Variants in SGCZ observed in about 807,000 individuals in gnomAD.
SGCZ encodes zeta-sarcoglycan.
A neutral mutation model predicts 41.3 loss-of-function variants in SGCZ; 40 were observed. The observed-to-expected ratio is 0.97, with a 90% CI of 0.75 to 1.26. The LOEUF (loss-of-function observed/expected upper bound fraction) is 1.26, where lower values mean the gene tolerates loss of function less well. Ranked by LOEUF, SGCZ falls within the 50% of genes most tolerant of loss-of-function variation. The probability of loss-of-function intolerance (pLI) is 0.00; values close to 1 mark genes in which losing one functional copy is unlikely to be tolerated. For missense variants in SGCZ, 552 were observed against 369.8 expected (o/e 1.49, Z -4.04); for synonymous variants, 206 against 137.5 (o/e 1.50, Z -3.49).
intron 1 of SGCZ, among the ~76,000 whole-genome samples, chr8:14,633,787 C>A (rs1340801438): frequency 2.6e-5 from 4 of 151,944 alleles, no homozygotes; most frequent in Middle Eastern, 3.4e-3. Flanking sequence ...AATAAAAGAC[C>A]TGATGCTAAA....
chr8:14,555,051 A>AATAATTAC (rs1465896147), intron 1 of SGCZ, 125 bp from the exon 2 acceptor site: 3 of 782,672 alleles, frequency 3.8e-6, no homozygotes, highest in Non-Finnish European at 2.0e-6. Context: ...TGAGCATTCA[A>AATAATTAC]ATAACTATTG....
intron 5 of SGCZ, among the ~76,000 whole-genome samples, chr8:14,154,312 T>C (rs1454348709): frequency 6.6e-6 from 1 of 152,038 alleles, no homozygotes; most frequent in African/African-American, 2.4e-5. Context: ...GAGGGTGCAG[T>C]GAGCCGAGAT....
At position 14,409,125 on chromosome 8, in the gene SGCZ, C is replaced by T. The variant is rs1799292569; in HGVS notation, c.235-84921G>A. Reference sequence around the variant, plus strand: ...GTGTAGGATTATTTAAGTTGTTGAACTGATTATTACAGAGATATGGTGGCA... The same window carrying T: ...GTGTAGGATTATTTAAGTTGTTGAATTGATTATTACAGAGATATGGTGGCA... On this transcript the variant is annotated intron_variant, in intron 2 of 7. Transcript: ENST00000382080. 2.0e-5 allele frequency among the ~76,000 whole-genome samples: 3 copies of T among 151,982 alleles called. No homozygotes were observed. The South Asian group carries it at 6.2e-4, about 32-fold the overall frequency.
At chr8:14,126,656 A>G (rs1196243724) in intron 5 of SGCZ, among the ~76,000 whole-genome samples, 1 of 152,192 alleles carries the variant, frequency 6.6e-6, no homozygotes, top group Non-Finnish European at 1.5e-5. Context: ...AAGGAATACA[A>G]ATCCATTCTG....
intron 3 of SGCZ, among the ~76,000 whole-genome samples, chr8:14,238,872 C>T (rs970275231): frequency 4.0e-5 from 6 of 151,780 alleles, no homozygotes; most frequent in South Asian, 4.2e-4. Flanking sequence ...CAGTATGTCA[C>T]GTCTATGTCA....
At chr8:14,912,436 T>G (rs1450052463) in intron 1 of SGCZ, among the ~76,000 whole-genome samples, 1 of 152,036 alleles carries the variant, frequency 6.6e-6, no homozygotes, top group Non-Finnish European at 1.5e-5. Flanking sequence ...AAATATTACT[T>G]TATACTACAT....
intron 1 of SGCZ, among the ~76,000 whole-genome samples, chr8:14,926,769 T>C (rs747583835): frequency 6.6e-6 from 1 of 151,974 alleles, no homozygotes; most frequent in African/African-American, 2.4e-5. Flanking sequence ...GCCTCCCAAG[T>C]AGCTGGGATT....
chr8:14,139,624 G>A (rs140013386), intron 5 of SGCZ, among the ~76,000 whole-genome samples: 2,167 of 151,892 alleles, frequency 0.014, 49 homozygotes, highest in African/African-American at 0.049. Context: ...ATACACCCTC[G>A]CAAGACTAAA....
intron 2 of SGCZ, among the ~76,000 whole-genome samples, chr8:14,538,683 C>T (rs10888090): frequency 0.65 from 98,798 of 151,770 alleles, 33,960 homozygotes; most frequent in Middle Eastern, 0.79. Context: ...AGCAGCTGTT[C>T]ATTACTGGAG....
At chr8:15,190,334 T>TTTCTTTCATTCA (rs1800490705) in intron 1 of SGCZ, among the ~76,000 whole-genome samples, 2 of 150,484 alleles carry the variant, frequency 1.3e-5, no homozygotes, top group Admixed American at 1.3e-4. Flanking sequence ...GGATAATTCA[T>TTTCTTTCATTCA]TTCATTCATT....
intron 1 of SGCZ, among the ~76,000 whole-genome samples, chr8:14,863,074 G>A (rs1454533905): frequency 6.6e-6 from 1 of 152,074 alleles, no homozygotes; most frequent in Non-Finnish European, 1.5e-5. Context: ...TCATCGCTCG[G>A]TTATGTATCT....
chr8:15,215,020 T>C (rs1197599256), intron 1 of SGCZ, among the ~76,000 whole-genome samples: 1 of 152,222 alleles, frequency 6.6e-6, no homozygotes, highest in Non-Finnish European at 1.5e-5. Flanking sequence ...CTTCTTTAAT[T>C]AAATGAGCAG....
intron 5 of SGCZ, among the ~76,000 whole-genome samples, chr8:14,117,132 T>G (rs1383356043): frequency 6.6e-6 from 1 of 152,092 alleles, no homozygotes; most frequent in Non-Finnish European, 1.5e-5. Flanking sequence ...TCTTTAAAGA[T>G]GTATCTTTAA....
intron 1 of SGCZ, among the ~76,000 whole-genome samples, chr8:15,220,654 C>A (rs1015264240): frequency 6.6e-6 from 1 of 152,106 alleles, no homozygotes; most frequent in African/African-American, 2.4e-5. Flanking sequence ...CCCATGATGC[C>A]ATTACTGGAT....
At chr8:14,188,797 G>GTT (rs765052122) in intron 4 of SGCZ, among the ~76,000 whole-genome samples, 2 of 134,224 alleles carry the variant, frequency 1.5e-5, no homozygotes, top group African/African-American at 2.7e-5. Flanking sequence ...CAGATTTCTT[G>GTT]TTTTTTTTTT....
chr8:14,569,790 C>T (rs991490422), intron 1 of SGCZ, among the ~76,000 whole-genome samples: 1 of 152,102 alleles, frequency 6.6e-6, no homozygotes, highest in African/African-American at 2.4e-5. Context: ...AAGGAGGGAG[C>T]TTTGCAGCCA....
chr8:15,003,900 T>G (rs6530824), intron 1 of SGCZ, among the ~76,000 whole-genome samples: 113,700 of 152,004 alleles, frequency 0.75, 42,821 homozygotes, highest in African/African-American at 0.81. Flanking sequence ...GTCAAGTCCT[T>G]TACAACAACG....
At chr8:14,602,737 TA>T (rs750137624) in intron 1 of SGCZ, among the ~76,000 whole-genome samples, 123 of 152,278 alleles carry the variant, frequency 8.1e-4, no homozygotes, top group Non-Finnish European at 1.5e-3. Flanking sequence ...CGTTGTCTGT[TA>T]TAACTGAGTA....
chr8:14,685,587 T>C (rs1808586711), intron 1 of SGCZ, among the ~76,000 whole-genome samples: 1 of 152,148 alleles, frequency 6.6e-6, no homozygotes, highest in Non-Finnish European at 1.5e-5. Context: ...CCAGTTTTAA[T>C]GGCTAACTTT....
Sources: gnomAD v4.1 joint callset for allele counts (sites outside exome capture counted in the v4.1 genomes callset) on GRCh38, gnomAD v4.1.1 for gene constraint, MANE v1.5 for transcripts, NCBI Gene and HGNC (gene_info 2026-07-23, HGNC 2026-07-21) for gene names.